RBFOX1: variants seen among roughly 807,000 people sequenced by gnomAD.
RBFOX1 encodes RNA binding protein fox-1 homolog 1.
In RBFOX1, 8 loss-of-function variants were observed where a neutral mutation model predicts 57.7. The ratio of observed to expected loss-of-function variants is 0.14; its 90% CI spans 0.08 to 0.25. RBFOX1 has a LOEUF of 0.25. Ranked by LOEUF, RBFOX1 falls within the 10% of genes least tolerant of loss-of-function variation. RBFOX1 has a pLI of 1.00. For missense variants in RBFOX1, 611 were observed against 548.5 expected, an observed-to-expected ratio of 1.11 and a Z score of -1.14; for synonymous variants, 326 against 222.4, an observed-to-expected ratio of 1.47 and a Z score of -4.15.
chr16:5,990,016 G>C (rs2060364092), intron 4 of RBFOX1, among the ~76,000 whole-genome samples: 1 of 151,988 alleles, frequency 6.6e-6, no homozygotes, highest in African/African-American at 2.4e-5. Context: ...TTAGAGACTG[G>C]GTCTCCCTCT....
At chr16:6,999,867 T>C (rs2092631064) in intron 3 of RBFOX1, among the ~76,000 whole-genome samples, 1 of 151,770 alleles carries the variant, frequency 6.6e-6, no homozygotes, top group Admixed American at 6.6e-5. Flanking sequence ...AGGTCAGGAG[T>C]TTGAGAGCAG....
intron 3 of RBFOX1, among the ~76,000 whole-genome samples, chr16:5,697,735 T>C (rs925774029): frequency 7.9e-5 from 12 of 152,158 alleles, no homozygotes; most frequent in Admixed American, 7.9e-4. Context: ...GTTATCTGCA[T>C]ATTGGCCAGG....
intron 3 of RBFOX1, among the ~76,000 whole-genome samples, chr16:5,731,102 CATAA>C: frequency 6.6e-6 from 1 of 152,248 alleles, no homozygotes; most frequent in East Asian, 1.9e-4. Flanking sequence ...TCATTGTCCT[CATAA>C]ATATCACCAT....
rs147598762 is a variant in RBFOX1 at position 5,960,498 on chromosome 16, C to T, written c.351+93163C>T. On this transcript the variant is annotated intron_variant, in intron 4 of 19. Coordinates refer to the RBFOX1 transcript ENST00000641259. ...GAGCTATGACAATGTCATCTTCAAA[C>T]ACATTCCCCAGATGTAGCTATAAAT... Among the ~76,000 whole-genome samples, 33 of 152,256 alleles carry T rather than the reference C, an allele frequency of 2.2e-4. No individual in the cohort carries two copies. The East Asian group carries it at 5.4e-3, about 25-fold the overall frequency.
chr16:7,565,566 C>T (rs142525638), intron 5 of RBFOX1, among the ~76,000 whole-genome samples: 4 of 152,136 alleles, frequency 2.6e-5, no homozygotes, highest in East Asian at 1.9e-4. Context: ...AAATCAAGAC[C>T]GCTCTTCAGT....
chr16:6,656,956 CCCTTT>C (rs1568078448), intron 3 of RBFOX1, among the ~76,000 whole-genome samples: 88 of 91,942 alleles, frequency 9.6e-4, no homozygotes, highest in African/African-American at 3.8e-3. Flanking sequence ...TCCTCTCCTC[CCCTTT>C]CCTCTCCTCT....
intron 4 of RBFOX1, among the ~76,000 whole-genome samples, chr16:7,191,260 A>C (rs1602431431): frequency 6.6e-6 from 1 of 152,152 alleles, no homozygotes; most frequent in African/African-American, 2.4e-5. Flanking sequence ...TGGGAGAAGT[A>C]ATTCCAGTCA....
Position 5,322,845 on chromosome 16 carries a change from G to A in RBFOX1, c.219+82740G>A, listed in dbSNP as rs189899239. ...TGTTATAATGCACTTAGGGCACTTAGCAGAGCAGTAATCACTCACCTGTCA... is the reference window on the plus strand; with the variant it reads ...TGTTATAATGCACTTAGGGCACTTAACAGAGCAGTAATCACTCACCTGTCA... On this transcript the variant is annotated intron_variant, in intron 1 of 2. Transcript: ENST00000585867. 1.1e-3 allele frequency among the ~76,000 whole-genome samples: 160 copies of A among 152,302 alleles called. 1 individual carries two copies. The highest frequency in any genetic ancestry group is 3.6e-3 in the African/African-American group (151 of 41,566).
At chr16:7,254,496 C>T (rs1285017338) in intron 4 of RBFOX1, among the ~76,000 whole-genome samples, 2 of 106,220 alleles carry the variant, frequency 1.9e-5, no homozygotes, top group South Asian at 2.9e-4. Context: ...CTCTCTCTCT[C>T]TCTTTTTTTT....
chr16:6,837,114 C>T (rs2093157706), intron 3 of RBFOX1, among the ~76,000 whole-genome samples: 1 of 152,152 alleles, frequency 6.6e-6, no homozygotes, highest in African/African-American at 2.4e-5. Context: ...ACTGAGAGTT[C>T]CCTTGTTTGC....
intron 3 of RBFOX1, among the ~76,000 whole-genome samples, chr16:6,695,408 T>A (rs1603434279): frequency 1.9e-5 from 1 of 53,768 alleles, no homozygotes; most frequent in South Asian, 1.2e-3. Flanking sequence ...AGAGAGAAAC[T>A]CTGTCAAAAA....
intron 3 of RBFOX1, among the ~76,000 whole-genome samples, chr16:5,861,281 C>G (rs953008412): frequency 6.6e-6 from 1 of 151,980 alleles, no homozygotes; most frequent in East Asian, 1.9e-4. Context: ...CATGCTTACA[C>G]CCCCGTGCCA....
intron 3 of RBFOX1, among the ~76,000 whole-genome samples, chr16:6,725,669 C>T (rs534808999): frequency 6.6e-6 from 1 of 152,086 alleles, no homozygotes; most frequent in Non-Finnish European, 1.5e-5. Context: ...AATACATTTG[C>T]TTTTACTTAA....
At chr16:6,521,555 T>G (rs1303805687) in intron 2 of RBFOX1, among the ~76,000 whole-genome samples, 2 of 142,990 alleles carry the variant, frequency 1.4e-5, no homozygotes, top group African/African-American at 5.3e-5. Flanking sequence ...TCTCCTTCCC[T>G]CGCTCTCTTT....
intron 2 of RBFOX1, among the ~76,000 whole-genome samples, chr16:6,527,114 T>G (rs927161089): frequency 1.3e-5 from 2 of 152,152 alleles, no homozygotes; most frequent in African/African-American, 2.4e-5. Flanking sequence ...TAAATTATTT[T>G]ATTTATTATT....
At chr16:5,376,487 G>A (rs777933524) in intron 1 of RBFOX1, among the ~76,000 whole-genome samples, 3 of 152,178 alleles carry the variant, frequency 2.0e-5, no homozygotes, top group Non-Finnish European at 4.4e-5. Context: ...AAGGGTTAGG[G>A]ATGGAGACCA....
intron 1 of RBFOX1, among the ~76,000 whole-genome samples, chr16:6,104,971 C>A (rs1038989262): frequency 1.3e-5 from 2 of 152,154 alleles, no homozygotes; most frequent in African/African-American, 4.8e-5. Context: ...TACTCACATG[C>A]CTTGGGCCTT....
At chr16:7,296,573 C>G (rs772691077) in intron 4 of RBFOX1, among the ~76,000 whole-genome samples, 2 of 152,112 alleles carry the variant, frequency 1.3e-5, no homozygotes, top group African/African-American at 2.4e-5. Context: ...CTCATGTTCA[C>G]GATAGCTTGC....
intron 1 of RBFOX1, chr16:6,037,415 T>G (rs1011886628): frequency 3.9e-5 from 6 of 152,088 alleles, no homozygotes; most frequent in African/African-American, 1.2e-4. Flanking sequence ...CATTTAATTG[T>G]AGTCCTTAGT....
Sources: gnomAD v4.1 joint callset for allele counts (sites outside exome capture counted in the v4.1 genomes callset) on GRCh38, gnomAD v4.1.1 for gene constraint, MANE v1.5 for transcripts, NCBI Gene and HGNC (gene_info 2026-07-23, HGNC 2026-07-21) for gene names.